ITGB6: variants seen among roughly 807,000 people sequenced by gnomAD.
ITGB6 encodes the protein integrin subunit beta 6.
ITGB6 carries 80 observed loss-of-function variants against 84.5 expected under a neutral mutation model. The ratio of observed to expected loss-of-function variants is 0.95; its 90% confidence interval spans 0.79 to 1.14. The LOEUF (loss-of-function observed/expected upper bound fraction) is 1.14. ITGB6 is among the 50% of genes most tolerant of loss of function. ITGB6 has a pLI of 0.00. For synonymous variants in ITGB6, 383 were observed against 354.9 expected (o/e 1.08, Z -0.89); for missense variants, 1,006 against 968.0 (o/e 1.04, Z -0.52).
chr2:160,110,939 C>T (rs1178288331), intron 13 of ITGB6, among the ~76,000 whole-genome samples: 3 of 152,090 alleles, frequency 2.0e-5, no homozygotes, highest in African/African-American at 7.2e-5. Context: ...GTTAAGCCTC[C>T]GGGAGGTTAT....
At chr2:160,150,147 C>A (rs1684355060) in intron 7 of ITGB6, among the ~76,000 whole-genome samples, 1 of 152,152 alleles carries the variant, frequency 6.6e-6, no homozygotes, top group Non-Finnish European at 1.5e-5. Flanking sequence ...CCCCAAGACA[C>A]ATAATTGTCA....
intron 10 of ITGB6, among the ~76,000 whole-genome samples, chr2:160,132,039 C>G (rs1360351677): frequency 1.3e-5 from 2 of 152,094 alleles, no homozygotes; most frequent in Non-Finnish European, 2.9e-5. Context: ...TTAGATTACA[C>G]TTAGGGCTTT....
intron 4 of ITGB6, among the ~76,000 whole-genome samples, chr2:160,179,384 C>CT (rs1685568515): frequency 7.0e-6 from 1 of 142,592 alleles, no homozygotes; most frequent in Non-Finnish European, 1.5e-5. Context: ...TTCTTTTTTT[C>CT]TTTTTCTTTT....
intron 12 of ITGB6, among the ~76,000 whole-genome samples, chr2:160,120,113 T>G (rs1332206440): frequency 1.3e-5 from 2 of 151,870 alleles, no homozygotes; most frequent in Non-Finnish European, 2.9e-5. Flanking sequence ...GTGTGGCGAT[T>G]CCTCAGGGAT....
chr2:160,161,479 C>T (rs1160997264), intron 7 of ITGB6, among the ~76,000 whole-genome samples: 12 of 152,140 alleles, frequency 7.9e-5, no homozygotes, highest in East Asian at 7.7e-4. Context: ...TTAGTAGAGA[C>T]GGGATTTCAC....
rs573911717 is a variant in ITGB6, at chr2:160,107,803, A to C, written c.2144T>G (p.Val715Gly). The C allele has an allele frequency of 6.2e-7, 1 of 1,613,404 alleles. No homozygotes were observed. The highest frequency in any genetic ancestry group is 1.3e-5 in the African/African-American group (1 of 74,990). ...PPNIPMIMLG[V>G]SLAILLIGVV... is the part of the protein sequence containing the mutation. The stretch of plus-strand genomic sequence containing the variant: ...CCCGATGAGAAGAATAGCCAGGGAA[A>C]CCCCTAACATGATCATGGGAATGTT... The change falls in exon 14 of 15, where the codon GTT (valine) becomes GGT (glycine). Residue 715 changes from valine (V) to glycine (G), a missense_variant. Physicochemically the swap from Val to Gly is moderately radical, Grantham distance 109. Transcript: ENST00000283249.
Position 160,172,610 on chromosome 2 carries a change from G to A in ITGB6, c.880C>T (p.His294Tyr). Residue 294 changes from histidine (H) to tyrosine (Y), a missense_variant, in exon 6 of 15, where the codon CAC becomes TAC. His to Tyr is a moderately conservative substitution (Grantham distance 83). Coordinates refer to ENST00000283249, the MANE Select transcript of ITGB6 (RefSeq NM_000888.5). ...GAGTATTCATTCTTGCTGTCCAAGTGACAGAGCCCGTCATTAGGAATGACG... is the reference window on the plus strand; with the variant it reads ...GAGTATTCATTCTTGCTGTCCAAGTAACAGAGCCCGTCATTAGGAATGACG... The part of the protein sequence containing the change: ...GIVIPNDGLC[H>Y]LDSKNEYSMS... The A allele has an allele frequency of 6.2e-7, 1 of 1,611,296 alleles. No homozygotes were observed. Among genetic ancestry groups the A allele is most frequent in the Non-Finnish European group, 8.5e-7 (1 of 1,177,696 alleles).
intron 7 of ITGB6, among the ~76,000 whole-genome samples, chr2:160,159,213 A>G (rs1229212069): frequency 6.6e-6 from 1 of 152,200 alleles, no homozygotes; most frequent in Non-Finnish European, 1.5e-5. Context: ...CCAGTTAAAA[A>G]AGAAAATAAA....
intron 7 of ITGB6, among the ~76,000 whole-genome samples, chr2:160,147,133 G>A: frequency 1.4e-5 from 2 of 146,768 alleles, no homozygotes; most frequent in Admixed American, 6.9e-5. Flanking sequence ...AAAGAAGGAA[G>A]GAAGGAGAAA....
intron 4 of ITGB6, among the ~76,000 whole-genome samples, chr2:160,188,271 T>G (rs977548298): frequency 1.3e-5 from 2 of 152,190 alleles, no homozygotes; most frequent in African/African-American, 4.8e-5. Context: ...TGTATGTGTG[T>G]ACAAGGGTAT....
intron 10 of ITGB6, among the ~76,000 whole-genome samples, chr2:160,134,537 C>T (rs1440687627): frequency 6.6e-6 from 1 of 152,182 alleles, no homozygotes; most frequent in East Asian, 1.9e-4. Flanking sequence ...AAGGGGGAAT[C>T]CTCCCTAACT....
At chr2:160,192,436 C>A (rs1252751748) in intron 4 of ITGB6, among the ~76,000 whole-genome samples, 1 of 152,036 alleles carries the variant, frequency 6.6e-6, no homozygotes, top group African/African-American at 2.4e-5. Context: ...AAAAGATGAA[C>A]CTAGACCTTC....
intron 4 of ITGB6, among the ~76,000 whole-genome samples, chr2:160,189,044 T>C (rs1388632929): frequency 6.6e-6 from 1 of 152,030 alleles, no homozygotes; most frequent in Non-Finnish European, 1.5e-5. Context: ...TCAGAAATGA[T>C]GCCACATATC....
At chr2:160,153,838 G>A (rs997102483) in intron 7 of ITGB6, among the ~76,000 whole-genome samples, 2 of 152,042 alleles carry the variant, frequency 1.3e-5, no homozygotes, top group South Asian at 2.1e-4. Flanking sequence ...AAAATCGCTC[G>A]TCATCACTGG....
intron 8 of ITGB6, among the ~76,000 whole-genome samples, chr2:160,140,459 A>G (rs1370131734): frequency 1.3e-5 from 2 of 152,206 alleles, no homozygotes; most frequent in African/African-American, 4.8e-5. Flanking sequence ...TTGACAATTT[A>G]GTGTTTTCTA....
intron 14 of ITGB6, among the ~76,000 whole-genome samples, chr2:160,104,259 C>G (rs1393710284): frequency 6.6e-6 from 1 of 152,100 alleles, no homozygotes; most frequent in Non-Finnish European, 1.5e-5. Context: ...TATTTCCTGG[C>G]CTCAGCTGAA....
At chr2:160,181,722 C>T (rs1316834045) in intron 4 of ITGB6, among the ~76,000 whole-genome samples, 1 of 152,228 alleles carries the variant, frequency 6.6e-6, no homozygotes, top group African/African-American at 2.4e-5. Context: ...GATCAACAGA[C>T]ACCTCATACA....
At chr2:160,169,648 A>G (rs184533217) in intron 6 of ITGB6, among the ~76,000 whole-genome samples, 22 of 152,314 alleles carry the variant, frequency 1.4e-4, no homozygotes, top group Admixed American at 2.6e-4. Context: ...TCTCCTTCTA[A>G]GTGACACTTA....
intron 7 of ITGB6, among the ~76,000 whole-genome samples, chr2:160,152,706 C>G (rs1313568701): frequency 6.6e-6 from 1 of 152,210 alleles, no homozygotes; most frequent in African/African-American, 2.4e-5. Context: ...ACCCCATCAT[C>G]TCAGCCCAAA....
Sources: gnomAD v4.1 joint callset for allele counts (sites outside exome capture counted in the v4.1 genomes callset) on GRCh38, gnomAD v4.1.1 for gene constraint, MANE v1.5 for transcripts, NCBI Gene and HGNC (gene_info 2026-07-23, HGNC 2026-07-21) for gene names.